The following PRKCA variants were observed in gnomAD, a reference collection of about 807,000 sequenced individuals.
PRKCA encodes protein kinase C alpha type.
PRKCA carries 27 observed loss-of-function variants against 87.0 expected under a neutral mutation model. The observed-to-expected ratio is 0.31, with a 90% CI of 0.23 to 0.43. The LOEUF (loss-of-function observed/expected upper bound fraction) is 0.43. Ranked by LOEUF, PRKCA falls within the 20% of genes least tolerant of loss-of-function variation. The pLI, the probability that PRKCA is intolerant of heterozygous loss-of-function variation, is 1.00. For missense variants in PRKCA, 518 were observed against 852.3 expected (o/e 0.61, Z 4.88); for synonymous variants, 329 against 311.1 (o/e 1.06, Z -0.61).
chr17:66,437,804 A>G (rs1913488983), intron 2 of PRKCA, among the ~76,000 whole-genome samples: 1 of 147,216 alleles, frequency 6.8e-6, no homozygotes, highest in South Asian at 2.1e-4. Context: ...ATTTCCTTAG[A>G]CAGTTCAAAC....
At chr17:66,719,657 C>T (rs1973564014) in intron 8 of PRKCA, among the ~76,000 whole-genome samples, 1 of 152,228 alleles carries the variant, frequency 6.6e-6, no homozygotes, top group Non-Finnish European at 1.5e-5. Context: ...ATCCCAGCTA[C>T]TCAGGAGGCT....
chr17:66,682,770 G>T (rs1175405462), intron 5 of PRKCA, among the ~76,000 whole-genome samples: 1 of 152,200 alleles, frequency 6.6e-6, no homozygotes, highest in African/African-American at 2.4e-5. Flanking sequence ...TTTGGTTCTT[G>T]CAGAAAGTGA....
chr17:66,614,172 G>A (rs942414321), intron 3 of PRKCA, among the ~76,000 whole-genome samples: 4 of 152,140 alleles, frequency 2.6e-5, no homozygotes, highest in South Asian at 2.1e-4. Flanking sequence ...CCAGCTGGAC[G>A]TGAAGTGGAG....
At chr17:66,619,302 A>G (rs1192132623) in intron 3 of PRKCA, among the ~76,000 whole-genome samples, 5 of 152,188 alleles carry the variant, frequency 3.3e-5, no homozygotes, top group African/African-American at 1.2e-4. Flanking sequence ...ATTGTTTAAA[A>G]TTGGTCTGTG....
At chr17:66,462,019 C>G (rs1417656211) in intron 2 of PRKCA, among the ~76,000 whole-genome samples, 1 of 151,976 alleles carries the variant, frequency 6.6e-6, no homozygotes, top group Non-Finnish European at 1.5e-5. Flanking sequence ...CTAGTTTTTT[C>G]TTTTTTGACC....
intron 2 of PRKCA, among the ~76,000 whole-genome samples, chr17:66,391,762 G>C (rs891907869): frequency 6.6e-6 from 1 of 152,076 alleles, no homozygotes; most frequent in Non-Finnish European, 1.5e-5. Flanking sequence ...GTATTCCTCT[G>C]TCTGGATCCA....
At chr17:66,327,854 G>A (rs116492524) in intron 2 of PRKCA, among the ~76,000 whole-genome samples, 2 of 152,204 alleles carry the variant, frequency 1.3e-5, no homozygotes, top group African/African-American at 2.4e-5. Flanking sequence ...TGCCAGCCAC[G>A]GTGCCTGATG....
intron 4 of PRKCA, among the ~76,000 whole-genome samples, chr17:66,642,254 C>T (rs891083892): frequency 6.6e-6 from 1 of 151,948 alleles, no homozygotes; most frequent in Non-Finnish European, 1.5e-5. Flanking sequence ...CTCAGCCTCC[C>T]GAGTAGCTGG....
intron 3 of PRKCA, among the ~76,000 whole-genome samples, chr17:66,630,416 G>A (rs1448530804): frequency 1.3e-5 from 2 of 152,190 alleles, no homozygotes; most frequent in African/African-American, 4.8e-5. Flanking sequence ...CCATTGCTAT[G>A]TGACTTGTAG....
At chr17:66,578,450 T>TA (rs753807847) in intron 3 of PRKCA, among the ~76,000 whole-genome samples, 1 of 152,126 alleles carries the variant, frequency 6.6e-6, no homozygotes, top group Non-Finnish European at 1.5e-5. Flanking sequence ...ACCTGAAAAT[T>TA]ACAATGGTTC....
intron 13 of PRKCA, among the ~76,000 whole-genome samples, chr17:66,743,228 G>A (rs138373152): frequency 1.3e-5 from 2 of 152,346 alleles, no homozygotes; most frequent in Non-Finnish European, 2.9e-5. Flanking sequence ...TCAGGAGGCT[G>A]AGGCAGGAGA....
intron 13 of PRKCA, among the ~76,000 whole-genome samples, chr17:66,743,459 G>T (rs187284570): frequency 1.1e-3 from 162 of 152,374 alleles, no homozygotes; most frequent in Non-Finnish European, 1.9e-3. Context: ...ACTGCATGTT[G>T]TCTGGTCTAG....
At chr17:66,540,214 A>C (rs371035638) in intron 3 of PRKCA, among the ~76,000 whole-genome samples, 16 of 152,176 alleles carry the variant, frequency 1.1e-4, no homozygotes, top group Non-Finnish European at 2.2e-4. Flanking sequence ...CTCAAAAATA[A>C]ATACTCTGAT....
chr17:66,523,210 G>A (rs1366815188), intron 3 of PRKCA, among the ~76,000 whole-genome samples: 1 of 152,144 alleles, frequency 6.6e-6, no homozygotes, highest in Non-Finnish European at 1.5e-5. Context: ...AGAGTGTGGG[G>A]CACTGACTTC....
At chr17:66,760,132 A>C (rs1352698466) in intron 13 of PRKCA, among the ~76,000 whole-genome samples, 1 of 152,212 alleles carries the variant, frequency 6.6e-6, no homozygotes, top group Non-Finnish European at 1.5e-5. Flanking sequence ...CACATAGAAC[A>C]TTCACCAATA....
chr17:66,396,474 T>G (rs1910671551), intron 2 of PRKCA, among the ~76,000 whole-genome samples: 1 of 152,166 alleles, frequency 6.6e-6, no homozygotes, highest in South Asian at 2.1e-4. Flanking sequence ...CCTTGTACCT[T>G]TAGATGTGTA....
chr17:66,328,891 G>A (rs1480483716), intron 2 of PRKCA, among the ~76,000 whole-genome samples: 1 of 152,232 alleles, frequency 6.6e-6, no homozygotes, highest in African/African-American at 2.4e-5. Context: ...GAGGTAGGCA[G>A]GAGCCACCTT....
chr17:66,387,536 C>T (rs945275468), intron 2 of PRKCA, among the ~76,000 whole-genome samples: 14 of 152,312 alleles, frequency 9.2e-5, no homozygotes, highest in Middle Eastern at 6.8e-3. Context: ...AGCCTTTCAT[C>T]TTGCCCTTCC....
intron 5 of PRKCA, among the ~76,000 whole-genome samples, chr17:66,674,495 G>A (rs556814774): frequency 2.0e-5 from 3 of 152,202 alleles, no homozygotes; most frequent in Non-Finnish European, 4.4e-5. Context: ...AAATGTGATA[G>A]GTTGCATGCA....
Sources: allele counts gnomAD v4.1 joint callset (sites outside exome capture counted in the v4.1 genomes callset), GRCh38; gene constraint gnomAD v4.1.1; transcripts MANE v1.5; gene names NCBI Gene and HGNC (gene_info 2026-07-23, HGNC 2026-07-21).